Variants in SRGAP2B observed in about 807,000 individuals in gnomAD.
The protein encoded by SRGAP2B is SLIT-ROBO Rho GTPase activating protein 2B.
In SRGAP2B, 9 loss-of-function variants were observed where a neutral mutation model predicts 22.2. That is an observed-to-expected ratio of 0.41 (90% CI 0.24 to 0.71). The LOEUF (loss-of-function observed/expected upper bound fraction) is 0.71. Ranked by LOEUF, SRGAP2B falls within the 30% of genes least tolerant of loss-of-function variation. The pLI is 0.35. For missense variants in SRGAP2B, 114 were observed against 235.8 expected (o/e 0.48, Z 3.38); for synonymous variants, 36 against 87.4 (o/e 0.41, Z 3.28).
Position 145,020,501 on chromosome 1 carries a change from A to G in SRGAP2B, c.68-25301T>C, listed in dbSNP as rs1216650694. 8.2e-5 allele frequency among the ~76,000 whole-genome samples: 12 copies of G among 147,238 alleles called. No individual in the cohort carries two copies. In the South Asian group the frequency reaches 2.5e-3, roughly 31 times the overall value. On this transcript the variant is annotated intron_variant, in intron 2 of 9. Coordinates refer to ENST00000612199, the Ensembl canonical transcript of SRGAP2B. The stretch of plus-strand genomic sequence containing the variant: ...ATTTTAAAAAGCAACTCCCCTCACA[A>G]CTACCCAGCATTCTTGATGCTCCTT...
chr1:144,985,122 T>C (rs1483561337), intron 3 of SRGAP2B, among the ~76,000 whole-genome samples: 7 of 128,262 alleles, frequency 5.5e-5, no homozygotes, highest in Non-Finnish European at 9.6e-5. Context: ...ACTTACTACA[T>C]ATAGCCTTAT....
intron 2 of SRGAP2B, among the ~76,000 whole-genome samples, chr1:144,999,063 A>C (rs1472321690): frequency 2.7e-5 from 4 of 150,662 alleles, no homozygotes; most frequent in Non-Finnish European, 5.9e-5. Flanking sequence ...TCATGTGCTT[A>C]GGCGATCATG....
intron 2 of SRGAP2B, among the ~76,000 whole-genome samples, chr1:145,044,806 T>A (rs1195782081): frequency 1.4e-5 from 2 of 145,584 alleles, no homozygotes; most frequent in African/African-American, 2.6e-5. Context: ...TTAGTCCTGA[T>A]GGGCCAAACC....
At chr1:144,919,751 T>TTA (rs2101766112) in intron 4 of SRGAP2B, 1 of 90,910 alleles carries the variant, frequency 1.1e-5, no homozygotes, top group African/African-American at 4.9e-5. Flanking sequence ...TTGCAAAACT[T>TTA]TTATAGAGAG....
intron 2 of SRGAP2B, among the ~76,000 whole-genome samples, chr1:145,030,203 C>T (rs1488379230): frequency 1.4e-5 from 2 of 146,960 alleles, no homozygotes; most frequent in African/African-American, 2.6e-5. Context: ...CAGTCTGATT[C>T]TATTCTCCCC....
intron 7 of SRGAP2B, among the ~76,000 whole-genome samples, chr1:144,904,702 A>AC (rs1662855086): frequency 9.7e-6 from 1 of 102,988 alleles, no homozygotes; most frequent in Admixed American, 1.0e-4. Context: ...CTATCTCAAA[A>AC]AAAAAAAAAA....
intron 2 of SRGAP2B, among the ~76,000 whole-genome samples, chr1:145,066,597 C>T (rs1211950427): frequency 2.7e-5 from 4 of 150,310 alleles, no homozygotes; most frequent in African/African-American, 4.9e-5. Context: ...TTTCTACTTG[C>T]TTCAGACTAT....
intron 2 of SRGAP2B, among the ~76,000 whole-genome samples, chr1:145,085,336 TC>T (rs1653326080): frequency 7.6e-6 from 1 of 131,124 alleles, no homozygotes; most frequent in Non-Finnish European, 1.6e-5. Flanking sequence ...TCCTGTACCT[TC>T]CCTCCTAAAA....
At chr1:145,023,166 A>C (rs868974701) in intron 2 of SRGAP2B, among the ~76,000 whole-genome samples, 4 of 138,496 alleles carry the variant, frequency 2.9e-5, no homozygotes, top group Non-Finnish European at 4.8e-5. Context: ...ACTCTGTCTC[A>C]AAAAAAAAAA....
chr1:145,076,151 C>A (rs1652484463), intron 2 of SRGAP2B, among the ~76,000 whole-genome samples: 3 of 150,076 alleles, frequency 2.0e-5, no homozygotes, highest in Non-Finnish European at 3.0e-5. Context: ...ACCTACTTTT[C>A]TATCTTCTAA....
chr1:144,994,608 GAGAC>G (rs1270874322), intron 3 of SRGAP2B, among the ~76,000 whole-genome samples: 24 of 134,996 alleles, frequency 1.8e-4, no homozygotes, highest in Non-Finnish European at 2.7e-4. Context: ...GAGAGAGAGA[GAGAC>G]AGAGATTAAG....
chr1:144,992,125 G>T (rs1388384333), intron 3 of SRGAP2B, among the ~76,000 whole-genome samples: 4 of 150,322 alleles, frequency 2.7e-5, no homozygotes, highest in Admixed American at 6.6e-5. Context: ...GCTGCCTTAA[G>T]AGCTGTAACA....
rs587689474 is a variant in SRGAP2B at position 145,013,010 on chromosome 1, A to G, written c.68-17810T>C. On this transcript the variant is annotated intron_variant, in intron 2 of 9. Transcript: ENST00000612199. ...AGCCATGAGAACTGCTTGAGCCCAC[A>G]AGGCAAAGATTGCACTGAGCCGAGA... 2.7e-5 allele frequency among the ~76,000 whole-genome samples: 4 copies of G among 150,140 alleles called. No homozygotes were observed. In the South Asian group the frequency reaches 8.4e-4, roughly 31 times the overall value.
intron 2 of SRGAP2B, among the ~76,000 whole-genome samples, chr1:144,998,773 G>C (rs1266003908): frequency 6.6e-6 from 1 of 151,074 alleles, no homozygotes; most frequent in Non-Finnish European, 1.5e-5. Context: ...ACAGCTCCAA[G>C]ACAGAACAGT....
chr1:144,934,334 G>A (rs1164418989), intron 4 of SRGAP2B, among the ~76,000 whole-genome samples: 2 of 146,652 alleles, frequency 1.4e-5, no homozygotes, highest in Admixed American at 1.3e-4. Flanking sequence ...AACCTGGGAG[G>A]CGGGGGTTAC....
At chr1:144,997,020 GT>G (rs1232069533) in intron 2 of SRGAP2B, among the ~76,000 whole-genome samples, 1 of 149,668 alleles carries the variant, frequency 6.7e-6, no homozygotes, top group African/African-American at 2.5e-5. Flanking sequence ...GTAGGCATCT[GT>G]CCCCCTTCAA....
chr1:144,889,375 G>A (rs1662087891), exon 10 of SRGAP2B: 1 of 89,392 alleles, frequency 1.1e-5, no homozygotes, highest in Non-Finnish European at 2.1e-5. Flanking sequence ...ATCTTTATAG[G>A]TCATGCCTCA....
At chr1:144,992,513 C>T (rs1231153430) in intron 3 of SRGAP2B, among the ~76,000 whole-genome samples, 19 of 144,832 alleles carry the variant, frequency 1.3e-4, no homozygotes, top group African/African-American at 5.1e-4. Flanking sequence ...CCTAAGTCTT[C>T]ATTTATCACA....
chr1:145,068,893 A>ATGTGTGTGTG (rs797031320), intron 2 of SRGAP2B, among the ~76,000 whole-genome samples: 3 of 109,178 alleles, frequency 2.7e-5, no homozygotes, highest in African/African-American at 7.2e-5. Flanking sequence ...ATAAGGTAAA[A>ATGTGTGTGTG]TGTGTGTGTG....
Sources: allele counts gnomAD v4.1 joint callset (sites outside exome capture counted in the v4.1 genomes callset), GRCh38; gene constraint gnomAD v4.1.1; transcripts MANE v1.5; gene names NCBI Gene and HGNC (gene_info 2026-07-23, HGNC 2026-07-21).